Variants in KCNG3 observed in about 807,000 individuals in gnomAD.
The protein encoded by KCNG3 is voltage-gated potassium channel regulatory subunit KCNG3.
KCNG3 carries 15 observed loss-of-function variants against 29.0 expected under a neutral mutation model. The observed-to-expected ratio is 0.52, with a 90% CI of 0.35 to 0.80. KCNG3 has a LOEUF of 0.80. Ranked by LOEUF, KCNG3 falls within the 30% of genes least tolerant of loss-of-function variation. The pLI is 0.01. For synonymous variants in KCNG3, 322 were observed against 248.9 expected (o/e 1.29, Z -2.76); for missense variants, 512 against 605.7 (o/e 0.85, Z 1.62).
the KCNG3 span, among the ~76,000 whole-genome samples, chr2:42,429,405 AGAAT>A: frequency 6.6e-6 from 1 of 152,240 alleles, no homozygotes; most frequent in African/African-American, 2.4e-5. Context: ...CTCTGCCCAC[AGAAT>A]GATTTATTTT....
At chr2:42,417,959 G>A in the KCNG3 span, among the ~76,000 whole-genome samples, 1 of 151,314 alleles carries the variant, frequency 6.6e-6, no homozygotes, top group Non-Finnish European at 1.5e-5. Context: ...GTGACAGAGT[G>A]AGACTCCATC....
the KCNG3 span, among the ~76,000 whole-genome samples, chr2:42,389,312 T>G: frequency 6.6e-6 from 1 of 152,244 alleles, no homozygotes. Context: ...TCGCTGTTAG[T>G]AACTTTGTAA....
the KCNG3 span, among the ~76,000 whole-genome samples, chr2:42,432,789 C>T: frequency 6.6e-6 from 1 of 152,076 alleles, no homozygotes; most frequent in East Asian, 1.9e-4. Flanking sequence ...TCAACAAGTA[C>T]TTCTATGGCT....
chr2:42,483,000 A>G (rs1394435540), intron 1 of KCNG3, among the ~76,000 whole-genome samples: 1 of 152,024 alleles, frequency 6.6e-6, no homozygotes, highest in South Asian at 2.1e-4. Context: ...GTGTGCCTGT[A>G]GTCCCAGCTA....
the KCNG3 span, among the ~76,000 whole-genome samples, chr2:42,433,164 G>GT: frequency 1.3e-5 from 2 of 152,150 alleles, no homozygotes; most frequent in Non-Finnish European, 2.9e-5. Flanking sequence ...AGAGAAAGAC[G>GT]TAAGATACCC....
chr2:42,416,528 G>A, the KCNG3 span, among the ~76,000 whole-genome samples: 2 of 152,190 alleles, frequency 1.3e-5, no homozygotes, highest in East Asian at 1.9e-4. Flanking sequence ...GCACATCACA[G>A]AGAAATAATA....
intron 1 of KCNG3, among the ~76,000 whole-genome samples, chr2:42,450,847 C>T (rs951672316): frequency 2.0e-5 from 3 of 152,166 alleles, no homozygotes; most frequent in African/African-American, 7.2e-5. Flanking sequence ...CCCAGATCTA[C>T]AAGATTTTAA....
the KCNG3 span, among the ~76,000 whole-genome samples, chr2:42,410,581 T>C: frequency 6.6e-6 from 1 of 152,226 alleles, no homozygotes; most frequent in Non-Finnish European, 1.5e-5. Flanking sequence ...GGGGACTTTA[T>C]ATTTTCTAGA....
At chr2:42,410,365 C>A in the KCNG3 span, among the ~76,000 whole-genome samples, 1 of 152,080 alleles carries the variant, frequency 6.6e-6, no homozygotes, top group African/African-American at 2.4e-5. Flanking sequence ...ATTTGCAATT[C>A]TGACAAAAAT....
Position 42,481,349 on chromosome 2 carries a change from G to A in KCNG3, c.665+11488C>T, listed in dbSNP as rs548620699. Reference sequence around the variant, plus strand: ...TTAGCTGCCTGAACCCAGGACTCAAGGAAGTCCTTGACCATCCAGGAGAAA... The same window carrying A: ...TTAGCTGCCTGAACCCAGGACTCAAAGAAGTCCTTGACCATCCAGGAGAAA... On this transcript the variant is annotated intron_variant, in intron 1 of 1. Coordinates refer to ENST00000306078, the MANE Select transcript of KCNG3 (RefSeq NM_133329.6). Among the ~76,000 whole-genome samples, 4 of 152,228 alleles carry A rather than the reference G, an allele frequency of 2.6e-5. No individual in the cohort carries two copies. In the South Asian group the frequency reaches 8.3e-4, roughly 32 times the overall value.
At chr2:42,396,184 G>T in the KCNG3 span, among the ~76,000 whole-genome samples, 1 of 152,162 alleles carries the variant, frequency 6.6e-6, no homozygotes, top group Non-Finnish European at 1.5e-5. Context: ...AGTTTCTACT[G>T]CATGTATATC....
At chr2:42,457,668 C>CACACACACACACA (rs1553327831) in intron 1 of KCNG3, among the ~76,000 whole-genome samples, 11 of 149,602 alleles carry the variant, frequency 7.4e-5, no homozygotes, top group Non-Finnish European at 1.0e-4. Flanking sequence ...CACACACACA[C>CACACACACACACA]AAGGCTGGGC....
the KCNG3 span, among the ~76,000 whole-genome samples, chr2:42,429,118 C>G: frequency 6.7e-6 from 1 of 150,116 alleles, no homozygotes; most frequent in Non-Finnish European, 1.5e-5. Context: ...GACTCCATCT[C>G]AAAAACAAAA....
the KCNG3 span, among the ~76,000 whole-genome samples, chr2:42,425,516 A>AT: frequency 6.6e-6 from 1 of 152,076 alleles, no homozygotes; most frequent in East Asian, 1.9e-4. Flanking sequence ...GAGGAGGATC[A>AT]TGTGGTCTTT....
chr2:42,464,584 G>A (rs72976289), intron 1 of KCNG3, among the ~76,000 whole-genome samples: 2 of 152,160 alleles, frequency 1.3e-5, no homozygotes, highest in African/African-American at 4.8e-5. Flanking sequence ...ATCATCCAAA[G>A]CTTCAGATCT....
At chr2:42,418,514 T>G in the KCNG3 span, among the ~76,000 whole-genome samples, 1 of 152,230 alleles carries the variant, frequency 6.6e-6, no homozygotes, top group African/African-American at 2.4e-5. Flanking sequence ...CTCTTCATTT[T>G]GTATATTTCT....
the KCNG3 span, among the ~76,000 whole-genome samples, chr2:42,428,025 A>G: frequency 6.6e-6 from 1 of 152,228 alleles, no homozygotes; most frequent in Admixed American, 6.5e-5. Flanking sequence ...AAAGACTTAT[A>G]GTGTCTATGT....
chr2:42,419,088 C>G, the KCNG3 span, among the ~76,000 whole-genome samples: 2 of 151,954 alleles, frequency 1.3e-5, no homozygotes, highest in Non-Finnish European at 1.5e-5. Context: ...TGTAACTGCT[C>G]TTGGTTTTTA....
At chr2:42,448,837 G>A (rs904785661) in intron 1 of KCNG3, among the ~76,000 whole-genome samples, 7 of 152,112 alleles carry the variant, frequency 4.6e-5, no homozygotes, top group Non-Finnish European at 8.8e-5. Flanking sequence ...AATTAGCCGG[G>A]CGCAGTGGCG....
Sources: allele counts gnomAD v4.1 joint callset (sites outside exome capture counted in the v4.1 genomes callset), GRCh38; gene constraint gnomAD v4.1.1; transcripts MANE v1.5; gene names NCBI Gene and HGNC (gene_info 2026-07-23, HGNC 2026-07-21).